The following GPC5 variants were observed in gnomAD, a reference collection of about 807,000 sequenced individuals.
GPC5 encodes glypican-5.
Under a neutral mutation model 53.9 loss-of-function variants are expected in GPC5, and 47 were observed. The observed-to-expected ratio is 0.87, with a 90% CI of 0.69 to 1.11. The LOEUF (loss-of-function observed/expected upper bound fraction) is 1.11. GPC5 is among the 50% of genes most tolerant of loss of function. The pLI, the probability that GPC5 is intolerant of heterozygous loss-of-function variation, is 0.00. For missense variants in GPC5, 748 were observed against 713.1 expected, an observed-to-expected ratio of 1.05 and a Z score of -0.56; for synonymous variants, 286 against 263.3, an observed-to-expected ratio of 1.09 and a Z score of -0.84.
intron 6 of GPC5, chr13:92,059,746 T>G (rs2041106704): frequency 2.0e-5 from 3 of 151,976 alleles, no homozygotes. Flanking sequence ...TGTTTACCAC[T>G]GCAGCCAGAT....
chr13:91,799,336 A>G (rs2038097387), intron 5 of GPC5, among the ~76,000 whole-genome samples: 1 of 152,136 alleles, frequency 6.6e-6, no homozygotes. Context: ...TACTAGAAGG[A>G]GAAGGGAGGA....
intron 3 of GPC5, among the ~76,000 whole-genome samples, chr13:91,711,889 G>A (rs1173663574): frequency 2.0e-5 from 3 of 152,152 alleles, no homozygotes; most frequent in Non-Finnish European, 2.9e-5. Flanking sequence ...CAAGTTTATG[G>A]CTAGGCCATT....
chr13:91,571,776 C>CACACATATACGTGTGTGTGTGTATATAT (rs1566515126), intron 2 of GPC5, among the ~76,000 whole-genome samples: 56 of 82,130 alleles, frequency 6.8e-4, no homozygotes, highest in African/African-American at 4.6e-3. Flanking sequence ...TGTGTATATA[C>CACACATATACGTGTGTGTGTGTATATAT]ACACACATAT....
chr13:92,292,168 T>C (rs758679536), intron 7 of GPC5, among the ~76,000 whole-genome samples: 1 of 152,258 alleles, frequency 6.6e-6, no homozygotes, highest in Non-Finnish European at 1.5e-5. Context: ...ATCTTTTTCA[T>C]ATAATGACTT....
intron 7 of GPC5, among the ~76,000 whole-genome samples, chr13:92,634,036 T>C (rs1566333204): frequency 6.6e-6 from 1 of 152,242 alleles, no homozygotes; most frequent in East Asian, 1.9e-4. Flanking sequence ...AATACTGTGA[T>C]ATTTATTTAG....
Position 91,604,220 on chromosome 13 carries a change from G to A in GPC5, c.326-88967G>A, listed in dbSNP as rs1238365534. Among the ~76,000 whole-genome samples, 3 of 142,496 alleles carry A rather than the reference G, an allele frequency of 2.1e-5. No individual in the cohort carries two copies. The East Asian group carries it at 6.2e-4, about 29-fold the overall frequency. 93.5% of individuals were successfully genotyped at this position (142,496 alleles called of 152,430 possible). A position where few individuals can be genotyped will look rare whatever the true frequency, so the allele number is the denominator to read the frequency against. On this transcript the variant is annotated intron_variant, in intron 2 of 7. Coordinates refer to ENST00000377067, the MANE Select transcript of GPC5 (RefSeq NM_004466.6). ...ATGCGGTGTTTGGTTTTTTGTTCTT[G>A]CGATAGTTTACTGAGAATGATGATT...
chr13:91,948,216 A>T (rs2039992439), intron 6 of GPC5, among the ~76,000 whole-genome samples: 1 of 111,794 alleles, frequency 8.9e-6, no homozygotes, highest in Non-Finnish European at 1.8e-5. Flanking sequence ...CGACAGAGGG[A>T]GACTCTGTCT....
At chr13:92,519,389 C>A (rs1185576130) in intron 7 of GPC5, among the ~76,000 whole-genome samples, 1 of 152,172 alleles carries the variant, frequency 6.6e-6, no homozygotes, top group East Asian at 1.9e-4. Context: ...TAAAACACTC[C>A]TCAGCAAATG....
intron 5 of GPC5, among the ~76,000 whole-genome samples, chr13:91,861,330 T>A (rs2039025524): frequency 6.6e-6 from 1 of 152,222 alleles, no homozygotes; most frequent in Non-Finnish European, 1.5e-5. Context: ...TAATTATTAC[T>A]GTCATTTATC....
chr13:92,088,706 C>CTG (rs892242547), intron 6 of GPC5, among the ~76,000 whole-genome samples: 1 of 152,122 alleles, frequency 6.6e-6, no homozygotes, highest in African/African-American at 2.4e-5. Flanking sequence ...TATTGCGTCT[C>CTG]TGTGTATATA....
chr13:91,583,843 T>C (rs2032461567), intron 2 of GPC5, among the ~76,000 whole-genome samples: 1 of 152,200 alleles, frequency 6.6e-6, no homozygotes, highest in Non-Finnish European at 1.5e-5. Context: ...TACTTACCAG[T>C]GTACCAGGTA....
At chr13:92,458,859 T>C (rs1566599488) in intron 7 of GPC5, among the ~76,000 whole-genome samples, 1 of 152,182 alleles carries the variant, frequency 6.6e-6, no homozygotes, top group African/African-American at 2.4e-5. Flanking sequence ...AACACAGTGA[T>C]AAGAACATCT....
intron 7 of GPC5, among the ~76,000 whole-genome samples, chr13:92,711,185 T>A (rs1300785482): frequency 6.6e-6 from 1 of 152,170 alleles, no homozygotes; most frequent in East Asian, 1.9e-4. Flanking sequence ...GAGTTGCAAG[T>A]AAAAATTCTC....
chr13:91,636,802 T>TA (rs889733320), intron 2 of GPC5, among the ~76,000 whole-genome samples: 189 of 150,206 alleles, frequency 1.3e-3, no homozygotes, highest in African/African-American at 3.9e-3. Flanking sequence ...AAAAAATAAT[T>TA]AAAAAAAAAA....
At chr13:91,498,971 T>C (rs1884467222) in intron 2 of GPC5, among the ~76,000 whole-genome samples, 1 of 72,112 alleles carries the variant, frequency 1.4e-5, no homozygotes, top group Non-Finnish European at 4.6e-5. Flanking sequence ...AGTCTCCCTC[T>C]CAAAAAAAAA....
At chr13:91,834,007 C>T (rs1415309307) in intron 5 of GPC5, among the ~76,000 whole-genome samples, 1 of 152,118 alleles carries the variant, frequency 6.6e-6, no homozygotes, top group African/African-American at 2.4e-5. Context: ...ATCATCTCAG[C>T]CCAAAATCTC....
intron 5 of GPC5, among the ~76,000 whole-genome samples, chr13:91,780,319 CTT>C (rs2037778560): frequency 6.6e-6 from 1 of 152,140 alleles, no homozygotes; most frequent in African/African-American, 2.4e-5. Flanking sequence ...TCTTGTCTAT[CTT>C]AAAGATATCC....
At chr13:92,280,891 A>C (rs1276164766) in intron 7 of GPC5, among the ~76,000 whole-genome samples, 1 of 152,152 alleles carries the variant, frequency 6.6e-6, no homozygotes, top group East Asian at 1.9e-4. Context: ...GGCTTGTCGG[A>C]CAGTGGGGGC....
At chr13:92,116,029 T>A (rs554126213) in intron 6 of GPC5, among the ~76,000 whole-genome samples, 1 of 151,884 alleles carries the variant, frequency 6.6e-6, no homozygotes, top group Non-Finnish European at 1.5e-5. Flanking sequence ...GATGGGAGAA[T>A]CCCTTGAGCC....
Sources: allele counts gnomAD v4.1 joint callset (sites outside exome capture counted in the v4.1 genomes callset), GRCh38; gene constraint gnomAD v4.1.1; transcripts MANE v1.5; gene names NCBI Gene and HGNC (gene_info 2026-07-23, HGNC 2026-07-21).